The following CAP2 variants were observed in gnomAD, a reference collection of about 807,000 sequenced individuals.
CAP2 encodes adenylyl cyclase-associated protein 2.
In CAP2, 24 loss-of-function variants were observed where a neutral mutation model predicts 57.7. The ratio of observed to expected loss-of-function variants is 0.42; its 90% CI spans 0.30 to 0.58. CAP2 has a LOEUF of 0.58. CAP2 is among the 20% of genes least tolerant of loss of function. CAP2 has a pLI of 0.22. For missense variants in CAP2, 501 were observed against 590.3 expected, an observed-to-expected ratio of 0.85 and a Z score of 1.57; for synonymous variants, 194 against 207.2, an observed-to-expected ratio of 0.94 and a Z score of 0.55.
chr6:17,403,225 C>T (rs1758861813), intron 1 of CAP2, among the ~76,000 whole-genome samples: 1 of 152,232 alleles, frequency 6.6e-6, no homozygotes, highest in African/African-American at 2.4e-5. Flanking sequence ...CATCAGCCTC[C>T]TGGCTAGCTG....
intron 7 of CAP2, among the ~76,000 whole-genome samples, chr6:17,523,839 G>T (rs912525425): frequency 6.6e-6 from 1 of 152,148 alleles, no homozygotes; most frequent in Non-Finnish European, 1.5e-5. Flanking sequence ...ACTTTGGGAG[G>T]TTGAGGCGGT....
intron 7 of CAP2, among the ~76,000 whole-genome samples, chr6:17,522,223 A>G (rs969401774): frequency 1.3e-5 from 2 of 152,216 alleles, no homozygotes; most frequent in African/African-American, 4.8e-5. Context: ...TTATATGCAT[A>G]GTGAAGTTCG....
intron 11 of CAP2, among the ~76,000 whole-genome samples, chr6:17,547,030 A>G (rs1581613284): frequency 1.3e-5 from 2 of 152,298 alleles, no homozygotes; most frequent in East Asian, 3.9e-4. Context: ...ATTCTTATAC[A>G]CCAATAACAG....
intron 3 of CAP2, among the ~76,000 whole-genome samples, chr6:17,455,761 T>C (rs796577859): frequency 2.0e-5 from 3 of 152,284 alleles, no homozygotes; most frequent in African/African-American, 7.2e-5. Flanking sequence ...GGTCTTGATC[T>C]CCTGACCTTG....
intron 3 of CAP2, among the ~76,000 whole-genome samples, chr6:17,439,281 T>C (rs534372057): frequency 6.7e-6 from 1 of 150,200 alleles, no homozygotes; most frequent in East Asian, 2.0e-4. Context: ...GATAGGTTCC[T>C]GCAGTTCCCA....
intron 4 of CAP2, among the ~76,000 whole-genome samples, chr6:17,474,717 T>C (rs1420323506): frequency 1.3e-5 from 2 of 151,712 alleles, no homozygotes; most frequent in East Asian, 3.9e-4. Flanking sequence ...GAAACACTTC[T>C]ACTGTTATTT....
At chr6:17,535,464 G>A (rs1253791284) in intron 7 of CAP2, among the ~76,000 whole-genome samples, 2 of 151,894 alleles carry the variant, frequency 1.3e-5, no homozygotes, top group Admixed American at 6.6e-5. Context: ...TGGTAGAGAC[G>A]GGGTTTCGCC....
chr6:17,552,694 T>C (rs545658707), intron 12 of CAP2, among the ~76,000 whole-genome samples: 1 of 152,164 alleles, frequency 6.6e-6, no homozygotes, highest in South Asian at 2.1e-4. Context: ...AGGGAGCCAG[T>C]GAACCAGGGA....
At chr6:17,526,969 A>AAAAG (rs1554129271) in intron 7 of CAP2, among the ~76,000 whole-genome samples, 4,260 of 150,326 alleles carry the variant, frequency 0.028, 252 homozygotes, top group African/African-American at 0.099. Flanking sequence ...AAAAAAAAAA[A>AAAAG]AAAAAAAAAG....
rs757446973 is a variant in CAP2 at position 17,541,125 on chromosome 6, T to C, written c.979T>C (p.Leu327=). 1.9e-6 allele frequency: 3 copies of C among 1,613,178 alleles called. No individual in the cohort carries two copies. The highest frequency in any genetic ancestry group is 2.5e-6 in the Non-Finnish European group (3 of 1,179,510). Reference sequence around the variant, plus strand: ...TCAAAAACATGCCCCAGTGTTGGAGTTGGAAGGAAAGAAATGGAGAGTGGT... The same window carrying C: ...TCAAAAACATGCCCCAGTGTTGGAGCTGGAAGGAAAGAAATGGAGAGTGGT... ...PSQKHAPVLE[L]EGKKWRVEYQ... Residue 327 remains leucine (L), a synonymous_variant, in exon 9 of 13, where the codon TTG becomes CTG. Transcript: ENST00000229922.
chr6:17,523,672 C>A (rs1439775803), intron 7 of CAP2, among the ~76,000 whole-genome samples: 1 of 152,168 alleles, frequency 6.6e-6, no homozygotes, highest in East Asian at 1.9e-4. Context: ...GCCAGTGATA[C>A]CAACTGTAGT....
intron 3 of CAP2, among the ~76,000 whole-genome samples, chr6:17,431,365 A>T (rs1338225417): frequency 6.6e-6 from 1 of 152,180 alleles, no homozygotes; most frequent in African/African-American, 2.4e-5. Context: ...AAATGAAAGA[A>T]CCACAATTTG....
intron 4 of CAP2, 23 bp downstream of exon 4, chr6:17,463,096 A>G: frequency 1.3e-6 from 2 of 1,550,282 alleles, no homozygotes; most frequent in Non-Finnish European, 1.8e-6. Context: ...CCTGAGAGGG[A>G]AGGTGTCCCA....
chr6:17,409,334 T>C (rs546376468), intron 1 of CAP2, among the ~76,000 whole-genome samples: 146 of 151,546 alleles, frequency 9.6e-4, no homozygotes, highest in African/African-American at 3.3e-3. Context: ...ATCACGCCAC[T>C]GCACTCCAGC....
intron 1 of CAP2, among the ~76,000 whole-genome samples, chr6:17,409,170 G>A (rs1211397960): frequency 6.6e-6 from 1 of 151,216 alleles, no homozygotes; most frequent in African/African-American, 2.4e-5. Flanking sequence ...TCAGGCATTC[G>A]AGACCAGCCT....
At chr6:17,539,152 T>G in intron 7 of CAP2, 117 bp from the exon 8 acceptor site, 1 of 922,330 alleles carries the variant, frequency 1.1e-6, no homozygotes, top group Admixed American at 2.3e-5. Flanking sequence ...TCTGGGAGCC[T>G]TTGCTCAGGC....
At chr6:17,452,821 G>C (rs1402891706) in intron 3 of CAP2, among the ~76,000 whole-genome samples, 4 of 151,998 alleles carry the variant, frequency 2.6e-5, no homozygotes, top group Non-Finnish European at 5.9e-5. Context: ...TCTCACATAA[G>C]TATTTATCAC....
chr6:17,477,803 A>G (rs916633991), intron 4 of CAP2, among the ~76,000 whole-genome samples: 2 of 152,142 alleles, frequency 1.3e-5, no homozygotes, highest in African/African-American at 4.8e-5. Context: ...TTTCTTGAAA[A>G]GAAACTGTGA....
chr6:17,522,384 A>G (rs1186193149), intron 7 of CAP2, among the ~76,000 whole-genome samples: 1 of 152,178 alleles, frequency 6.6e-6, no homozygotes, highest in East Asian at 1.9e-4. Context: ...CAGGCATTAT[A>G]TTTATACTAC....
Sources: gnomAD v4.1 joint callset for allele counts (sites outside exome capture counted in the v4.1 genomes callset) on GRCh38, gnomAD v4.1.1 for gene constraint, MANE v1.5 for transcripts, NCBI Gene and HGNC (gene_info 2026-07-23, HGNC 2026-07-21) for gene names.